Variants in GALNT18 observed in about 807,000 individuals in gnomAD.
GALNT18 encodes GalNAc-transferase 18.
A neutral mutation model predicts 69.5 loss-of-function variants in GALNT18; 44 were observed. The ratio of observed to expected loss-of-function variants is 0.63; its 90% CI spans 0.50 to 0.81. GALNT18 has a LOEUF of 0.81. Ranked by LOEUF, GALNT18 falls within the 40% of genes least tolerant of loss-of-function variation. The pLI is 0.00. For synonymous variants in GALNT18, 364 were observed against 318.2 expected (o/e 1.14, Z -1.53); for missense variants, 715 against 810.0 (o/e 0.88, Z 1.42).
chr11:11,526,257 G>A (rs531483185), intron 1 of GALNT18, among the ~76,000 whole-genome samples: 3 of 152,170 alleles, frequency 2.0e-5, no homozygotes, highest in East Asian at 1.9e-4. Context: ...ACAATTTCCC[G>A]CAAGCCATGG....
chr11:11,560,180 A>G (rs1270397844), intron 1 of GALNT18, among the ~76,000 whole-genome samples: 29 of 149,348 alleles, frequency 1.9e-4, no homozygotes, highest in Admixed American at 2.7e-4. Flanking sequence ...GGATAGAATG[A>G]GATATGATGG....
intron 1 of GALNT18, among the ~76,000 whole-genome samples, chr11:11,479,531 G>C (rs1324074969): frequency 6.6e-6 from 1 of 152,164 alleles, no homozygotes; most frequent in Non-Finnish European, 1.5e-5. Flanking sequence ...CCAGATCTGG[G>C]AAGATGACTG....
chr11:11,408,030 G>T (rs1854631971), intron 3 of GALNT18, among the ~76,000 whole-genome samples: 1 of 152,188 alleles, frequency 6.6e-6, no homozygotes, highest in Admixed American at 6.5e-5. Flanking sequence ...CCCAGAGAGA[G>T]AAATTATACA....
intron 2 of GALNT18, among the ~76,000 whole-genome samples, chr11:11,434,352 A>G (rs1317888795): frequency 2.6e-5 from 4 of 152,182 alleles, no homozygotes; most frequent in African/African-American, 9.7e-5. Flanking sequence ...CATTTAATGG[A>G]ATAAATATTT....
intron 10 of GALNT18, among the ~76,000 whole-genome samples, chr11:11,282,796 G>A (rs984063870): frequency 6.6e-6 from 1 of 152,170 alleles, no homozygotes; most frequent in African/African-American, 2.4e-5. Context: ...CTAGGCCACT[G>A]AGATATATCA....
At position 11,583,316 on chromosome 11, in the gene GALNT18, T is replaced by C. The variant is rs61870384; in HGVS notation, c.235+38043A>G. On this transcript the variant is annotated intron_variant, in intron 1 of 10. Transcript: ENST00000227756. The surrounding 1 kb of genome is among the most constrained non-coding windows in gnomAD (Gnocchi z 4.7). ...TGCTAGCCCTCTGTGTGCACACTTA[T>C]ATCTCATAATGGATGGTGACCTATC... 0.13 allele frequency among the ~76,000 whole-genome samples: 19,781 copies of C among 152,216 alleles called. 1,357 individuals are homozygous for C. Among genetic ancestry groups the C allele is most frequent in the Admixed American group, 0.18 (2,743 of 15,292 alleles).
rs191008102 is a variant in GALNT18 at position 11,614,715 on chromosome 11, G to A, written c.235+6644C>T. On this transcript the variant is annotated intron_variant, in intron 1 of 10. Coordinates refer to ENST00000227756, the MANE Select transcript of GALNT18 (RefSeq NM_198516.3). The surrounding 1 kb of genome is among the most constrained non-coding windows in gnomAD (Gnocchi z 5.6). The stretch of plus-strand genomic sequence containing the variant: ...GAAAACATAGGCCAGCCTAACCCAA[G>A]TGACTAAAGCTGAACTTCAAGGCCC... 1.9e-3 allele frequency among the ~76,000 whole-genome samples: 287 copies of A among 152,324 alleles called. No individual in the cohort carries two copies. Among genetic ancestry groups the A allele is most frequent in the African/African-American group, 6.7e-3 (278 of 41,564 alleles).
chr11:11,333,325 A>G (rs1476724976), intron 7 of GALNT18, among the ~76,000 whole-genome samples: 1 of 152,214 alleles, frequency 6.6e-6, no homozygotes, highest in Non-Finnish European at 1.5e-5. Flanking sequence ...GCTAGGCTGT[A>G]TTCTGAATGA....
rs1590118093 is a variant in GALNT18, at chr11:11,583,802, T to C, written c.235+37557A>G. Among the ~76,000 whole-genome samples, 2 of 152,158 alleles carry C rather than the reference T, an allele frequency of 1.3e-5. No individual in the cohort carries two copies. Among genetic ancestry groups the C allele is most frequent in the South Asian group, 4.2e-4 (2 of 4,812 alleles). On this transcript the variant is annotated intron_variant, in intron 1 of 10. Transcript: ENST00000227756. The surrounding 1 kb of genome is among the most constrained non-coding windows in gnomAD (Gnocchi z 4.7). ...CACTATCGGCCAGTAATGGTTAAGC[T>C]CACATGATGTGCAAGGCATTCACTG...
rs1349869193 is a variant in GALNT18 at position 11,383,608 on chromosome 11, T to C, written c.596-4344A>G. Among the ~76,000 whole-genome samples the C allele has an allele frequency of 6.6e-6, 1 of 152,050 alleles. No individual in the cohort carries two copies. The highest frequency in any genetic ancestry group is 1.5e-5 in the Non-Finnish European group (1 of 68,018). ...AGGTTTTGGGGACATAGAAATGAAGTGAGAGTTCACCCATTCATTCATTCA... is the reference window on the plus strand; with the variant it reads ...AGGTTTTGGGGACATAGAAATGAAGCGAGAGTTCACCCATTCATTCATTCA... On this transcript the variant is annotated intron_variant, in intron 3 of 10. Transcript: ENST00000227756. This position sits in a 1 kb window ranked among gnomAD's most constrained non-coding sequence, Gnocchi z 5.2.
At chr11:11,552,119 A>T (rs1482803890) in intron 1 of GALNT18, among the ~76,000 whole-genome samples, 1 of 152,210 alleles carries the variant, frequency 6.6e-6, no homozygotes, top group Non-Finnish European at 1.5e-5. Context: ...GGCCTGACAA[A>T]ATTGATAATG....
chr11:11,457,630 C>A (rs1309982898), intron 1 of GALNT18, among the ~76,000 whole-genome samples: 6 of 152,218 alleles, frequency 3.9e-5, no homozygotes, highest in African/African-American at 1.4e-4. Context: ...TGGCTGAGGA[C>A]CCCTGGCCCG....
Position 11,387,031 on chromosome 11 carries a change from A to G in GALNT18, c.596-7767T>C, listed in dbSNP as rs1185410502. 6.6e-6 allele frequency among the ~76,000 whole-genome samples: 1 copy of G among 152,170 alleles called. No homozygotes were observed. Among genetic ancestry groups the G allele is most frequent in the Non-Finnish European group, 1.5e-5 (1 of 68,028 alleles). Reference sequence around the variant, plus strand: ...ATGGGCCAAACTTGGTTACAACTGAAATACAAAGGTGGGCTTTATAACGGA... The same window carrying G: ...ATGGGCCAAACTTGGTTACAACTGAGATACAAAGGTGGGCTTTATAACGGA... On this transcript the variant is annotated intron_variant, in intron 3 of 10. Transcript: ENST00000227756. This position sits in a 1 kb window ranked among gnomAD's most constrained non-coding sequence, Gnocchi z 4.6.
At chr11:11,428,349 C>T (rs946299161) in intron 3 of GALNT18, among the ~76,000 whole-genome samples, 6 of 152,234 alleles carry the variant, frequency 3.9e-5, no homozygotes, top group Admixed American at 6.5e-5. Context: ...GGTCAAGGAA[C>T]CCCATTCCTG....
Position 11,332,503 on chromosome 11 carries a change from C to CG in GALNT18, c.1416+190_1416+191insC, listed in dbSNP as rs1850033830. On this transcript the variant is annotated intron_variant, in intron 8 of 10. Transcript: ENST00000227756. The surrounding 1 kb of genome is among the most constrained non-coding windows in gnomAD (Gnocchi z 4.3). Reference sequence around the variant, plus strand: ...ATAAAGGAGAGACAAGTACCTCTCTCAAGGGACTGGAGGGGTTTGGGCTGT... The same window carrying CG: ...ATAAAGGAGAGACAAGTACCTCTCTCGAAGGGACTGGAGGGGTTTGGGCTGT... Among the ~76,000 whole-genome samples, 1 of 152,200 alleles carries CG rather than the reference C, an allele frequency of 6.6e-6. No individual in the cohort carries two copies. Among genetic ancestry groups the CG allele is most frequent in the African/African-American group, 2.4e-5 (1 of 41,446 alleles).
chr11:11,516,412 A>T (rs1161614286), intron 1 of GALNT18, among the ~76,000 whole-genome samples: 1 of 152,122 alleles, frequency 6.6e-6, no homozygotes, highest in Non-Finnish European at 1.5e-5. Context: ...TGGGAAAATC[A>T]CCTGAGGTTG....
intron 1 of GALNT18, among the ~76,000 whole-genome samples, chr11:11,466,810 G>A (rs1277202505): frequency 6.6e-6 from 1 of 152,172 alleles, no homozygotes; most frequent in Non-Finnish European, 1.5e-5. Context: ...GGGCAGGAAT[G>A]AGCGGGAAGC....
intron 9 of GALNT18, among the ~76,000 whole-genome samples, chr11:11,306,481 A>T (rs1849581222): frequency 6.6e-6 from 1 of 152,222 alleles, no homozygotes; most frequent in Non-Finnish European, 1.5e-5. Flanking sequence ...TTGCTCCAAC[A>T]CCATCTCCAT....
intron 1 of GALNT18, among the ~76,000 whole-genome samples, chr11:11,545,749 G>A (rs1042498232): frequency 1.3e-5 from 2 of 152,334 alleles, no homozygotes; most frequent in Admixed American, 1.3e-4. Flanking sequence ...GCCAGGGGAA[G>A]GAACAGAAGG....
Sources: allele counts gnomAD v4.1 joint callset (sites outside exome capture counted in the v4.1 genomes callset), GRCh38; gene constraint gnomAD v4.1.1; non-coding constraint Gnocchi (gnomAD v3.1); transcripts MANE v1.5; gene names NCBI Gene and HGNC (gene_info 2026-07-23, HGNC 2026-07-21).